The following CYTH1 variants were observed in gnomAD, a reference collection of about 807,000 sequenced individuals.
CYTH1 encodes the protein cytohesin-1.
CYTH1 carries 18 observed loss-of-function variants against 61.8 expected under a neutral mutation model. That is an observed-to-expected ratio of 0.29 (90% CI 0.20 to 0.43). The LOEUF (loss-of-function observed/expected upper bound fraction) is 0.43. CYTH1 is among the 20% of genes least tolerant of loss of function. CYTH1 has a pLI of 1.00. For synonymous variants in CYTH1, 174 were observed against 184.3 expected, an observed-to-expected ratio of 0.94 and a Z score of 0.45; for missense variants, 336 against 510.5, an observed-to-expected ratio of 0.66 and a Z score of 3.29.
chr17:78,741,876 C>T (rs190420133), intron 1 of CYTH1, among the ~76,000 whole-genome samples: 25 of 152,236 alleles, frequency 1.6e-4, no homozygotes, highest in African/African-American at 4.3e-4. Flanking sequence ...AGGAAGGTGT[C>T]GGGTGCAACC....
At chr17:78,770,026 T>G (rs1238184728) in intron 1 of CYTH1, among the ~76,000 whole-genome samples, 7 of 152,008 alleles carry the variant, frequency 4.6e-5, no homozygotes, top group African/African-American at 1.7e-4. Flanking sequence ...GGCGTGTACC[T>G]GTAATCCTAG....
At chr17:78,709,509 A>G in intron 2 of CYTH1, 141 bp downstream of exon 2, 1 of 738,896 alleles carries the variant, frequency 1.4e-6, no homozygotes, top group African/African-American at 1.8e-5. Context: ...CTGATTATCA[A>G]CACCTACGCT....
At chr17:78,732,815 G>C (rs532836861) in intron 1 of CYTH1, among the ~76,000 whole-genome samples, 1 of 152,100 alleles carries the variant, frequency 6.6e-6, no homozygotes, top group Admixed American at 6.5e-5. Context: ...ACCACCGGGC[G>C]CGGTGGCTCC....
chr17:78,752,043 A>T (rs550185503), intron 1 of CYTH1, among the ~76,000 whole-genome samples: 32 of 152,288 alleles, frequency 2.1e-4, no homozygotes, highest in Admixed American at 1.1e-3. Flanking sequence ...GCCTCAAATG[A>T]TAATTTCAAA....
chr17:78,692,741 G>A (rs907736304), intron 10 of CYTH1, among the ~76,000 whole-genome samples: 2 of 151,984 alleles, frequency 1.3e-5, no homozygotes, highest in African/African-American at 2.4e-5. Flanking sequence ...GAATCGGGAC[G>A]GCAGGATGAG....
chr17:78,728,373 C>G (rs1216362492), intron 1 of CYTH1, among the ~76,000 whole-genome samples: 1 of 151,958 alleles, frequency 6.6e-6, no homozygotes, highest in Non-Finnish European at 1.5e-5. Context: ...TGGTGAAACC[C>G]CATCTCTACT....
At chr17:78,761,864 G>C (rs2093430293) in intron 1 of CYTH1, among the ~76,000 whole-genome samples, 1 of 152,218 alleles carries the variant, frequency 6.6e-6, no homozygotes, top group Non-Finnish European at 1.5e-5. Context: ...GCAGGAAAGG[G>C]AAAGAACAGT....
intron 1 of CYTH1, among the ~76,000 whole-genome samples, chr17:78,766,657 C>T (rs1208173416): frequency 6.6e-6 from 1 of 152,208 alleles, no homozygotes; most frequent in Non-Finnish European, 1.5e-5. Context: ...AACCAAAACT[C>T]TGTCCAAACT....
intron 1 of CYTH1, among the ~76,000 whole-genome samples, chr17:78,713,565 T>TA (rs1308211885): frequency 6.6e-6 from 1 of 151,808 alleles, no homozygotes; most frequent in Non-Finnish European, 1.5e-5. Flanking sequence ...AAGACTGCTA[T>TA]ATACCCTGAG....
At chr17:78,773,359 G>A (rs1337181879) in intron 1 of CYTH1, among the ~76,000 whole-genome samples, 1 of 152,084 alleles carries the variant, frequency 6.6e-6, no homozygotes, top group African/African-American at 2.4e-5. Flanking sequence ...GCCAGGAGCG[G>A]TGGCTCACGC....
At chr17:78,725,945 A>G (rs1365572926) in intron 1 of CYTH1, among the ~76,000 whole-genome samples, 1 of 152,234 alleles carries the variant, frequency 6.6e-6, no homozygotes, top group Non-Finnish European at 1.5e-5. Flanking sequence ...ATCAGAGAGA[A>G]TCACAGGAAA....
chr17:78,758,001 G>A (rs776514025), intron 1 of CYTH1, among the ~76,000 whole-genome samples: 5 of 152,118 alleles, frequency 3.3e-5, no homozygotes, highest in Non-Finnish European at 7.3e-5. Context: ...ACTGGTATGA[G>A]GTGTAAACTG....
intron 1 of CYTH1, among the ~76,000 whole-genome samples, chr17:78,756,085 T>TA (rs1048628121): frequency 4.0e-4 from 60 of 148,648 alleles, no homozygotes; most frequent in South Asian, 1.5e-3. Flanking sequence ...TTTTATTTTT[T>TA]TTTTTTTTGA....
chr17:78,719,007 G>A (rs1053975093), intron 1 of CYTH1, among the ~76,000 whole-genome samples: 1 of 152,210 alleles, frequency 6.6e-6, no homozygotes, highest in Non-Finnish European at 1.5e-5. Flanking sequence ...CTTCCGGCAG[G>A]AGCAGCAGTC....
chr17:78,681,046 CA>C lies in CYTH1; in HGVS notation c.892-5del. 1 of 1,613,774 alleles carries C rather than the reference CA, an allele frequency of 6.2e-7. No homozygotes were observed. Among genetic ancestry groups the C allele is most frequent in the Non-Finnish European group, 8.5e-7 (1 of 1,179,908 alleles). Reference sequence around the variant, plus strand: ...TGATTCCACGGGGCTCCTTATCCTACAGAACAGTTGAAGAGAGGAAGTTTAA... The same window carrying C: ...TGATTCCACGGGGCTCCTTATCCTACGAACAGTTGAAGAGAGGAAGTTTAA... On this transcript the variant is annotated splice_polypyrimidine_tract_variant and splice_region_variant and intron_variant, in intron 11 of 13. Transcript: ENST00000446868.
At chr17:78,749,368 G>A (rs533575600) in intron 1 of CYTH1, among the ~76,000 whole-genome samples, 3 of 152,318 alleles carry the variant, frequency 2.0e-5, no homozygotes, top group African/African-American at 4.8e-5. Flanking sequence ...GCTGAGACAG[G>A]AGAATTGCTT....
chr17:78,722,238 C>A (rs1173229502), intron 1 of CYTH1, among the ~76,000 whole-genome samples: 1 of 152,158 alleles, frequency 6.6e-6, no homozygotes, highest in South Asian at 2.1e-4. Context: ...ATTTTAAGAA[C>A]CTTAACTTTT....
intron 1 of CYTH1, among the ~76,000 whole-genome samples, chr17:78,745,406 A>G (rs1442323729): frequency 6.6e-6 from 1 of 152,224 alleles, no homozygotes; most frequent in African/African-American, 2.4e-5. Context: ...ACAATTTACA[A>G]GCGAGAAAGA....
chr17:78,712,170 G>C, intron 1 of CYTH1, among the ~76,000 whole-genome samples: 1 of 113,198 alleles, frequency 8.8e-6, no homozygotes, highest in East Asian at 2.9e-4. Context: ...GGGAGGGAGG[G>C]AGGGAGGGAG....
Sources: allele counts gnomAD v4.1 joint callset (sites outside exome capture counted in the v4.1 genomes callset), GRCh38; gene constraint gnomAD v4.1.1; transcripts MANE v1.5; gene names NCBI Gene and HGNC (gene_info 2026-07-23, HGNC 2026-07-21).